ROCK1: variants seen among roughly 807,000 people sequenced by gnomAD.
ROCK1 encodes the protein Rho associated coiled-coil containing protein kinase 1, also known as rho-associated protein kinase 1.
ROCK1 carries 36 observed loss-of-function variants against 196.8 expected under a neutral mutation model. The ratio of observed to expected loss-of-function variants is 0.18; its 90% CI spans 0.14 to 0.24. The LOEUF (loss-of-function observed/expected upper bound fraction) is 0.24, where lower values mean the gene tolerates loss of function less well. ROCK1 is among the 10% of genes least tolerant of loss of function. The pLI, the probability that ROCK1 is intolerant of heterozygous loss-of-function variation, is 1.00. For synonymous variants in ROCK1, 443 were observed against 515.9 expected (o/e 0.86, Z 1.91); for missense variants, 920 against 1,562.0 (o/e 0.59, Z 6.93).
intron 1 of ROCK1, among the ~76,000 whole-genome samples, chr18:21,086,320 C>A (rs142144468): frequency 0.049 from 7,390 of 152,094 alleles, 602 homozygotes; most frequent in African/African-American, 0.17. Flanking sequence ...CCATGTGGGA[C>A]AGGCTGGTCT....
At chr18:20,965,700 A>C (rs181116732) in intron 27 of ROCK1, among the ~76,000 whole-genome samples, 1 of 152,340 alleles carries the variant, frequency 6.6e-6, no homozygotes, top group Non-Finnish European at 1.5e-5. Flanking sequence ...ACAATAATGA[A>C]TCGTGTGTAC....
intron 1 of ROCK1, among the ~76,000 whole-genome samples, chr18:21,109,091 C>T (rs2036727085): frequency 6.6e-6 from 1 of 152,242 alleles, no homozygotes; most frequent in Admixed American, 6.5e-5. Context: ...TCTCAACTCA[C>T]AGTGACTTCT....
chr18:21,020,903 C>G (rs2035908030), intron 11 of ROCK1, among the ~76,000 whole-genome samples: 1 of 152,058 alleles, frequency 6.6e-6, no homozygotes, highest in Admixed American at 6.6e-5. Flanking sequence ...GGGACTTTAC[C>G]CCATAAGCAT....
chr18:20,984,544 G>T lies in ROCK1; in HGVS notation c.2305-9C>A, dbSNP rs878927949. ...AGGGTTAGATTCTTAACCTATGAAT[G>T]AGAAAAATAATTGGGATCTTAAATC... On this transcript the variant is annotated splice_polypyrimidine_tract_variant and intron_variant, in intron 19 of 32. Coordinates refer to ENST00000399799, the MANE Select transcript of ROCK1 (RefSeq NM_005406.3). The T allele has an allele frequency of 6.3e-7, 1 of 1,576,714 alleles. No homozygotes were observed. Among genetic ancestry groups the T allele is most frequent in the East Asian group, 2.2e-5 (1 of 44,624 alleles).
intron 2 of ROCK1, among the ~76,000 whole-genome samples, chr18:21,059,511 A>T (rs1245045185): frequency 6.6e-6 from 1 of 152,228 alleles, no homozygotes; most frequent in Non-Finnish European, 1.5e-5. Context: ...AAAAACACTT[A>T]ATGACATTAT....
intron 2 of ROCK1, among the ~76,000 whole-genome samples, chr18:21,061,302 A>G (rs1190559055): frequency 6.6e-6 from 1 of 151,106 alleles, no homozygotes; most frequent in Non-Finnish European, 1.5e-5. Flanking sequence ...CTGGTCTTGA[A>G]CTCCTGATCT....
At chr18:20,979,140 G>C (rs1316935942) in intron 22 of ROCK1, among the ~76,000 whole-genome samples, 1 of 152,034 alleles carries the variant, frequency 6.6e-6, no homozygotes, top group African/African-American at 2.4e-5. Context: ...TGTTGCCCAG[G>C]CTGGTCTTGA....
rs143418491 is a variant in ROCK1 at position 21,025,752 on chromosome 18, T to C, written c.1212-2072A>G. On this transcript the variant is annotated intron_variant, in intron 10 of 32. Coordinates refer to ENST00000399799, the MANE Select transcript of ROCK1 (RefSeq NM_005406.3). ...CTCTTGTTTCAAAAATATATATATA[T>C]TTTGTTGGTTCTTTCTTTATGAACA... Among the ~76,000 whole-genome samples, 295 of 152,278 alleles carry C rather than the reference T, an allele frequency of 1.9e-3. 2 individuals are homozygous for C. Among genetic ancestry groups the C allele is most frequent in the African/African-American group, 6.5e-3 (271 of 41,548 alleles).
intron 1 of ROCK1, among the ~76,000 whole-genome samples, chr18:21,084,854 T>C (rs563917466): frequency 1.1e-4 from 16 of 152,262 alleles, no homozygotes; most frequent in African/African-American, 3.9e-4. Context: ...AACAACACAA[T>C]TGTACACCAA....
intron 1 of ROCK1, among the ~76,000 whole-genome samples, chr18:21,087,840 C>T (rs1277806459): frequency 6.6e-6 from 1 of 152,126 alleles, no homozygotes; most frequent in East Asian, 1.9e-4. Flanking sequence ...ACATTCTAAC[C>T]CAAAATAGCA....
intron 1 of ROCK1, among the ~76,000 whole-genome samples, chr18:21,104,127 G>C (rs761679819): frequency 5.3e-5 from 8 of 152,146 alleles, no homozygotes; most frequent in Non-Finnish European, 1.0e-4. Flanking sequence ...TTCCTGATAA[G>C]TGGGTTTTTC....
intron 13 of ROCK1, among the ~76,000 whole-genome samples, chr18:21,014,301 T>C (rs961753821): frequency 3.3e-5 from 5 of 152,184 alleles, no homozygotes; most frequent in African/African-American, 1.2e-4. Flanking sequence ...TGAAGACTCA[T>C]TCATGTGTTG....
intron 16 of ROCK1, among the ~76,000 whole-genome samples, chr18:20,998,101 TGCTGGG>T (rs1568379408): frequency 2.0e-5 from 3 of 152,262 alleles, no homozygotes; most frequent in Non-Finnish European, 2.9e-5. Flanking sequence ...CCTCCCAAAG[TGCTGGG>T]ATGACAGGCA....
intron 1 of ROCK1, among the ~76,000 whole-genome samples, chr18:21,072,535 T>C (rs569705727): frequency 6.6e-6 from 1 of 152,266 alleles, no homozygotes; most frequent in South Asian, 2.1e-4. Context: ...TTTTATTCAA[T>C]ACTCTGAAGT....
In ROCK1 at chr18:21,092,580, T is replaced by TAAAAAAAAAAAA. The variant is rs35799573; in HGVS notation, c.93+18226_93+18237dup. 1.8e-3 allele frequency among the ~76,000 whole-genome samples: 143 copies of TAAAAAAAAAAAA among 81,078 alleles called. 3 individuals carry two copies. The highest frequency in any genetic ancestry group is 5.6e-3 in the Admixed American group (35 of 6,206). 53.2% of individuals were successfully genotyped at this position (81,078 alleles called of 152,430 possible). A position where few individuals can be genotyped will look rare whatever the true frequency, so the allele number is the denominator to read the frequency against. ...GCCTGGGTAAGCAAGACCTCATCTT[T>TAAAAAAAAAAAA]AAAAAAAAAAAAAAAAAAAAAAAAC... On this transcript the variant is annotated intron_variant, in intron 1 of 32. Transcript: ENST00000399799.
At chr18:20,982,914 A>C (rs2035546298) in intron 20 of ROCK1, 82 bp from the exon 21 acceptor site, 3 of 652,408 alleles carry the variant, frequency 4.6e-6, no homozygotes, top group Admixed American at 2.8e-5. Flanking sequence ...TAAAGTTGCT[A>C]ATATAAAAAA....
chr18:21,086,520 C>T (rs1302290484), intron 1 of ROCK1, among the ~76,000 whole-genome samples: 1 of 152,094 alleles, frequency 6.6e-6, no homozygotes, highest in African/African-American at 2.4e-5. Context: ...GAGAATCATT[C>T]ATTTTCCATG....
At chr18:21,038,485 T>G (rs1308828112) in intron 9 of ROCK1, among the ~76,000 whole-genome samples, 1 of 152,154 alleles carries the variant, frequency 6.6e-6, no homozygotes, top group Non-Finnish European at 1.5e-5. Flanking sequence ...ATACAATTGT[T>G]CTTTTAAAAT....
intron 29 of ROCK1, among the ~76,000 whole-genome samples, chr18:20,957,606 G>A (rs373102676): frequency 0.13 from 15,795 of 122,114 alleles, no homozygotes; most frequent in East Asian, 0.27. Flanking sequence ...TCAGCCTCCC[G>A]AGTAGCTGGG....
Sources: gnomAD v4.1 joint callset for allele counts (sites outside exome capture counted in the v4.1 genomes callset) on GRCh38, gnomAD v4.1.1 for gene constraint, MANE v1.5 for transcripts, NCBI Gene and HGNC (gene_info 2026-07-23, HGNC 2026-07-21) for gene names.